The following URB1 variants were observed in gnomAD, a reference collection of about 807,000 sequenced individuals.
URB1 encodes URB1 ribosome biogenesis factor, also known as nucleolar pre-ribosomal-associated protein 1.
A neutral mutation model predicts 242.3 loss-of-function variants in URB1; 197 were observed. The observed-to-expected ratio is 0.81, with a 90% CI of 0.72 to 0.91. The LOEUF (loss-of-function observed/expected upper bound fraction) is 0.91, where lower values mean the gene tolerates loss of function less well. Ranked by LOEUF, URB1 falls within the 40% of genes least tolerant of loss-of-function variation. The pLI, the probability that URB1 is intolerant of heterozygous loss-of-function variation, is 0.00. For missense variants in URB1, 2,721 were observed against 2,860.5 expected, an observed-to-expected ratio of 0.95 and a Z score of 1.11; for synonymous variants, 1,153 against 1,201.8, an observed-to-expected ratio of 0.96 and a Z score of 0.84.
In URB1 at chr21:32,363,295, G is replaced by T; in HGVS notation, c.1370C>A (p.Ser457Tyr). ...DSTSVRHTAL[S>Y]LISVILKRAL... is the part of the protein sequence containing the mutation. ...CCTCTTCAAAATGACAGAAATAAGG[G>T]ATAAGGCTGTGTGCCTCACTGAGGT... The change falls in exon 11 of 39, where the codon TCC becomes TAC. Residue 457 changes from serine to tyrosine, a missense_variant. By Grantham distance (144) the Ser-to-Tyr change is moderately radical. Transcript: ENST00000382751. 2.6e-6 allele frequency: 4 copies of T among 1,551,650 alleles called. No homozygotes were observed. The highest frequency in any genetic ancestry group is 3.5e-6 in the Non-Finnish European group (4 of 1,147,008).
intron 30 of URB1, among the ~76,000 whole-genome samples, chr21:32,327,029 C>T (rs78389443): frequency 1.2e-3 from 181 of 151,884 alleles, no homozygotes; most frequent in Non-Finnish European, 2.0e-3. Flanking sequence ...TGAAAAAAAT[C>T]CGAAGAAATA....
chr21:32,320,466 G>A (rs769993920), intron 35 of URB1, 65 bp downstream of exon 35: 2 of 1,203,088 alleles, frequency 1.7e-6, no homozygotes, highest in Admixed American at 2.2e-5. Flanking sequence ...GCTGGCAGCA[G>A]ACGTCATCGT....
intron 1 of URB1, among the ~76,000 whole-genome samples, chr21:32,388,107 C>T (rs1261167300): frequency 2.6e-5 from 4 of 152,158 alleles, no homozygotes; most frequent in Non-Finnish European, 4.4e-5. Flanking sequence ...CGCATGAGCA[C>T]GCCATTACAC....
Position 32,344,168 on chromosome 21 carries a change from A to C in URB1, c.4257+402T>G, listed in dbSNP as rs150839732. ...CATGGACACAGATGCAAAAATTCTT[A>C]ATGAAATATTAACAAATCAAACAAT... On this transcript the variant is annotated intron_variant, in intron 24 of 38. Transcript: ENST00000382751. Among the ~76,000 whole-genome samples the C allele has an allele frequency of 1.4e-3, 220 of 152,378 alleles. 1 individual carries two copies. The Middle Eastern group carries it at 0.027, about 19-fold the overall frequency.
Position 32,354,921 on chromosome 21 carries a change from A to G in URB1, c.2183T>C (p.Leu728Pro). Residue 728 changes from leucine to proline, a missense_variant, in exon 17 of 39, where the codon CTG (leucine) becomes CCG (proline). Physicochemically the swap from Leu to Pro is moderately conservative, Grantham distance 98 (BLOSUM62 -3). Transcript: ENST00000382751. ...TTCTTGCTTCGTCATAGTGGCCTGC[A>G]GCATGCTTGCTTCTTGGACAAAGTC... is the stretch of plus-strand genomic sequence containing the variant. ...ASDFVQEASMLQATMTKQEAD... is the reference protein window; with the variant it reads ...ASDFVQEASMPQATMTKQEAD... The G allele has an allele frequency of 6.4e-7, 1 of 1,552,398 alleles. No individual in the cohort carries two copies. Among genetic ancestry groups the G allele is most frequent in the Middle Eastern group, 1.7e-4 (1 of 5,998 alleles).
Position 32,384,420 on chromosome 21 carries a change from T to C in URB1, c.327A>G (p.Thr109=). The change falls in exon 3 of 39, where the codon ACA becomes ACG. Residue 109 remains threonine, a synonymous_variant. Coordinates refer to ENST00000382751, the MANE Select transcript of URB1 (RefSeq NM_014825.3). ...CATGGAAATGTGAAAGATCACTTGC[T>C]GTCCGCAATAATATGGCCTCGAAAA... ...FQVFEAILLR[T]ASDLSHFHVV... The C allele has an allele frequency of 1.9e-6, 3 of 1,552,028 alleles. No individual in the cohort carries two copies. The highest frequency in any genetic ancestry group is 1.7e-6 in the Non-Finnish European group (2 of 1,147,008).
chr21:32,388,870 T>A (rs998653263), intron 1 of URB1, among the ~76,000 whole-genome samples: 1 of 152,224 alleles, frequency 6.6e-6, no homozygotes, highest in African/African-American at 2.4e-5. Flanking sequence ...CATCTTTCCA[T>A]ACACCATTTA....
At chr21:32,323,856 C>T (rs186158399) in intron 32 of URB1, among the ~76,000 whole-genome samples, 7 of 152,152 alleles carry the variant, frequency 4.6e-5, no homozygotes, top group Admixed American at 2.0e-4. Flanking sequence ...CCCAGCTACT[C>T]GGGAGGCTGA....
intron 22 of URB1, 109 bp from the exon 23 acceptor site, chr21:32,345,684 G>T: frequency 8.6e-7 from 1 of 1,168,508 alleles, no homozygotes; most frequent in South Asian, 1.6e-5. Flanking sequence ...CTGTGACCCT[G>T]GTGATGCCAC....
In URB1 at chr21:32,314,198, T is replaced by C. The variant is rs1159034286; in HGVS notation, c.*720A>G. 1.6e-5 allele frequency: 3 copies of C among 192,460 alleles called. No individual in the cohort carries two copies. In the East Asian group the frequency reaches 3.9e-4, roughly 25 times the overall value. The allele number at this position is 192,460 out of a possible 1,614,324, so 11.9% of individuals were successfully genotyped here. A position where few individuals can be genotyped will look rare whatever the true frequency, so the allele number is the denominator to read the frequency against. Reference sequence around the variant, plus strand: ...GAAAAACAAACTTTATTTTTTTATTTTTTTGAGATGGAGTCTTGCTCTGTC... The same window carrying C: ...GAAAAACAAACTTTATTTTTTTATTCTTTTGAGATGGAGTCTTGCTCTGTC... On this transcript the variant is annotated 3_prime_UTR_variant, in exon 39 of 39. Coordinates refer to ENST00000382751, the MANE Select transcript of URB1 (RefSeq NM_014825.3).
intron 24 of URB1, among the ~76,000 whole-genome samples, chr21:32,344,047 T>C (rs530421191): frequency 1.3e-5 from 2 of 152,340 alleles, no homozygotes; most frequent in South Asian, 4.1e-4. Flanking sequence ...TAGAATTTTA[T>C]ACCCAGTGAA....
In URB1 at chr21:32,352,838, C is replaced by A. The variant is rs1444139130; in HGVS notation, c.2485G>T (p.Ala829Ser). The A allele has an allele frequency of 6.4e-7, 1 of 1,551,648 alleles. No homozygotes were observed. The change falls in exon 19 of 39, where the codon GCT becomes TCT. Residue 829 changes from alanine (A) to serine (S), a missense_variant. Ala to Ser is a moderately conservative substitution (Grantham distance 99, BLOSUM62 1). Transcript: ENST00000382751. Reference protein sequence around the residue: ...DLLHTQRDPLALCLLLQAYDK... With the variant: ...DLLHTQRDPLSLCLLLQAYDK... ...TATGCCTGGAGCAGGAGACACAGAG[C>A]CAGGGGGTCCCTCTGGGTGTGGAGG...
At chr21:32,362,116 G>T (rs892219488) in intron 11 of URB1, 95 bp from the exon 12 acceptor site, 16 of 1,459,482 alleles carry the variant, frequency 1.1e-5, no homozygotes, top group Middle Eastern at 1.8e-4. Context: ...AAACAGGGAG[G>T]GGGGTGCGAG....
At chr21:32,354,523 C>T (rs544127849) in intron 17 of URB1, among the ~76,000 whole-genome samples, 22 of 152,320 alleles carry the variant, frequency 1.4e-4, no homozygotes, top group Admixed American at 2.6e-4. Context: ...TACTAAACCT[C>T]TCTGTGCCCC....
chr21:32,364,195 G>A (rs1344125751), intron 10 of URB1, among the ~76,000 whole-genome samples: 1 of 152,160 alleles, frequency 6.6e-6, no homozygotes, highest in Non-Finnish European at 1.5e-5. Flanking sequence ...CAGAGACTGA[G>A]TAGGGTTCAA....
intron 20 of URB1, 45 bp downstream of exon 20, chr21:32,350,659 G>T: frequency 6.5e-7 from 1 of 1,536,494 alleles, no homozygotes. Context: ...TTAGCTCTCT[G>T]GTGGCAGAGC....
Position 32,321,060 on chromosome 21 carries a change from G to C in URB1, c.5485-420C>G, listed in dbSNP as rs548055036. Among the ~76,000 whole-genome samples the C allele has an allele frequency of 7.2e-5, 11 of 152,312 alleles. No homozygotes were observed. In the South Asian group the frequency reaches 2.3e-3, roughly 32 times the overall value. On this transcript the variant is annotated intron_variant, in intron 34 of 38. Transcript: ENST00000382751. ...GGAAGGGAGGACATAAAAATGGGAT[G>C]GTCCCCTGACTTGTTCATGGGGTGC...
At chr21:32,335,823 C>T (rs923331633) in intron 28 of URB1, among the ~76,000 whole-genome samples, 7 of 152,184 alleles carry the variant, frequency 4.6e-5, no homozygotes, top group South Asian at 2.1e-4. Context: ...ATTTTGTTTG[C>T]GGAAATGCTC....
intron 14 of URB1, among the ~76,000 whole-genome samples, chr21:32,358,316 A>C (rs373507702): frequency 7.3e-4 from 111 of 152,334 alleles, no homozygotes; most frequent in African/African-American, 2.6e-3. Context: ...CTGGGAACCA[A>C]GGCAGATGCT....
Sources: allele counts gnomAD v4.1 joint callset (sites outside exome capture counted in the v4.1 genomes callset), GRCh38; gene constraint gnomAD v4.1.1; transcripts MANE v1.5; gene names NCBI Gene and HGNC (gene_info 2026-07-23, HGNC 2026-07-21).